The following C4orf36 variants were observed in gnomAD, a reference collection of about 807,000 sequenced individuals.
The protein encoded by C4orf36 is uncharacterized protein C4orf36.
A neutral mutation model predicts 12.2 loss-of-function variants in C4orf36; 11 were observed. The ratio of observed to expected loss-of-function variants is 0.90; its 90% confidence interval spans 0.57 to 1.49. The LOEUF (loss-of-function observed/expected upper bound fraction) is 1.49. Ranked by LOEUF, C4orf36 falls within the 40% of genes most tolerant of loss-of-function variation. The pLI, the probability that C4orf36 is intolerant of heterozygous loss-of-function variation, is 0.00. For missense variants in C4orf36, 137 were observed against 133.9 expected (o/e 1.02, Z -0.11); for synonymous variants, 54 against 51.3 (o/e 1.05, Z -0.22).
the C4orf36 span, chr4:86,934,914 C>T: frequency 6.6e-6 from 1 of 152,120 alleles, no homozygotes; most frequent in Non-Finnish European, 1.5e-5. Flanking sequence ...CGGGGCGGAA[C>T]CCGGTACCGC....
At chr4:86,903,004 G>A in the C4orf36 span, among the ~76,000 whole-genome samples, 1 of 152,194 alleles carries the variant, frequency 6.6e-6, no homozygotes, top group African/African-American at 2.4e-5. Context: ...AAGGTACATG[G>A]TGGCTTCTGA....
At chr4:86,931,125 G>C in the C4orf36 span, among the ~76,000 whole-genome samples, 1 of 152,216 alleles carries the variant, frequency 6.6e-6, no homozygotes, top group Admixed American at 6.5e-5. Flanking sequence ...TGAAAGGAAA[G>C]CTTTGTAGGT....
At chr4:86,876,744 C>G in intron 4 of C4orf36, 1 of 1,507,958 alleles carries the variant, frequency 6.6e-7, no homozygotes, top group Non-Finnish European at 8.9e-7. Flanking sequence ...CTGGCTGTTG[C>G]ATCCAAGTAA....
chr4:86,915,550 G>A, the C4orf36 span, among the ~76,000 whole-genome samples: 2 of 152,190 alleles, frequency 1.3e-5, no homozygotes, highest in Non-Finnish European at 2.9e-5. Flanking sequence ...TTGGGAGGCC[G>A]AGGGGGGTGG....
chr4:86,935,992 G>A, the C4orf36 span: 1 of 152,348 alleles, frequency 6.6e-6, no homozygotes, highest in South Asian at 2.1e-4. Flanking sequence ...CGTTACCTTA[G>A]TGTAATGGTA....
At chr4:86,903,283 C>T in the C4orf36 span, among the ~76,000 whole-genome samples, 942 of 152,142 alleles carry the variant, frequency 6.2e-3, 5 homozygotes, top group Non-Finnish European at 0.011. Flanking sequence ...AGGCCGAGGC[C>T]GGTGGATCAC....
the C4orf36 span, chr4:86,914,853 CG>C: frequency 2.4e-6 from 1 of 419,562 alleles, no homozygotes; most frequent in Admixed American, 3.4e-5. Context: ...AAGCTGGGGT[CG>C]GGGGAGTCCG....
chr4:86,879,864 T>A (rs13113930), intron 4 of C4orf36, among the ~76,000 whole-genome samples: 58,561 of 150,566 alleles, frequency 0.39, 12,166 homozygotes, highest in Non-Finnish European at 0.45. Flanking sequence ...TTTTTTTTTT[T>A]TTTTGAGATA....
At chr4:86,931,998 G>A in the C4orf36 span, among the ~76,000 whole-genome samples, 1 of 140,160 alleles carries the variant, frequency 7.1e-6, no homozygotes, top group Non-Finnish European at 1.5e-5. Flanking sequence ...TTGCACCATT[G>A]CACTCCAGCC....
chr4:86,900,331 C>T, the C4orf36 span, among the ~76,000 whole-genome samples: 1 of 152,140 alleles, frequency 6.6e-6, no homozygotes, highest in Non-Finnish European at 1.5e-5. Flanking sequence ...CCGCACCTGG[C>T]AGTAGGCAGA....
At chr4:86,914,117 A>C in the C4orf36 span, 2 of 1,603,830 alleles carry the variant, frequency 1.2e-6, no homozygotes, top group Non-Finnish European at 1.7e-6. Context: ...TTTCAGACTC[A>C]AAGTAACAAA....
upstream of C4orf36, among the ~76,000 whole-genome samples, chr4:86,895,090 T>A (rs1428345478): frequency 2.0e-5 from 3 of 152,048 alleles, no homozygotes; most frequent in Non-Finnish European, 4.4e-5. Flanking sequence ...GACAGGAGGA[T>A]CACTTGAGCC....
chr4:86,916,447 G>C, the C4orf36 span, among the ~76,000 whole-genome samples: 1 of 151,556 alleles, frequency 6.6e-6, no homozygotes, highest in South Asian at 2.1e-4. Context: ...ATGATGGCAG[G>C]AATGGAGGCT....
At chr4:86,903,653 G>A in the C4orf36 span, among the ~76,000 whole-genome samples, 28 of 152,230 alleles carry the variant, frequency 1.8e-4, no homozygotes, top group South Asian at 2.3e-3. Context: ...CCATACCATC[G>A]AAGACAACCC....
At chr4:86,901,440 A>G in the C4orf36 span, among the ~76,000 whole-genome samples, 1 of 150,884 alleles carries the variant, frequency 6.6e-6, no homozygotes, top group Non-Finnish European at 1.5e-5. Flanking sequence ...CGGAGTCTCT[A>G]TCTGTCGCCC....
chr4:86,927,519 G>A, the C4orf36 span, among the ~76,000 whole-genome samples: 1 of 152,184 alleles, frequency 6.6e-6, no homozygotes, highest in Non-Finnish European at 1.5e-5. Flanking sequence ...CTGGGGCCAG[G>A]CATGGTGACT....
At chr4:86,899,208 T>A in the C4orf36 span, among the ~76,000 whole-genome samples, 1 of 152,220 alleles carries the variant, frequency 6.6e-6, no homozygotes, top group African/African-American at 2.4e-5. Context: ...TTATTAATTC[T>A]TTCTCAGCTT....
In C4orf36 at chr4:86,882,426, T is replaced by C. The variant is rs187572750; in HGVS notation, c.*2+5332A>G. 5.8e-4 allele frequency among the ~76,000 whole-genome samples: 88 copies of C among 152,280 alleles called. 1 individual carries two copies. In the South Asian group the frequency reaches 0.01, roughly 18 times the overall value. ...ACAAGGTTAAGGAAATAAAAATTAT[T>C]ATGGTGTCAAGGGCTCAGGGCTCAG... is the stretch of plus-strand genomic sequence containing the variant. On this transcript the variant is annotated intron_variant, in intron 4 of 4. Coordinates refer to ENST00000295898, the MANE Select transcript of C4orf36 (RefSeq NM_144645.4).
At chr4:86,901,009 G>C in the C4orf36 span, among the ~76,000 whole-genome samples, 9,247 of 148,560 alleles carry the variant, frequency 0.062, 420 homozygotes, top group Non-Finnish European at 0.088. Flanking sequence ...TTTTGACATG[G>C]AATCTTGCCC....
Sources: gnomAD v4.1 joint callset for allele counts (sites outside exome capture counted in the v4.1 genomes callset) on GRCh38, gnomAD v4.1.1 for gene constraint, MANE v1.5 for transcripts, NCBI Gene and HGNC (gene_info 2026-07-23, HGNC 2026-07-21) for gene names.